The following FARS2 variants were observed in gnomAD, a reference collection of about 807,000 sequenced individuals.
FARS2 encodes phenylalanyl-tRNA synthetase 2, mitochondrial, also known as phenylalanine--tRNA ligase, mitochondrial.
Under a neutral mutation model 46.4 loss-of-function variants are expected in FARS2, and 40 were observed. The ratio of observed to expected loss-of-function variants is 0.86; its 90% CI spans 0.67 to 1.12. FARS2 has a LOEUF of 1.12. Among genes scored for constraint, FARS2 ranks in the 50% most tolerant of loss-of-function variants. The pLI, the probability that FARS2 is intolerant of heterozygous loss-of-function variation, is 0.00. For missense variants in FARS2, 513 were observed against 567.9 expected, an observed-to-expected ratio of 0.90 and a Z score of 0.98; for synonymous variants, 234 against 214.9, an observed-to-expected ratio of 1.09 and a Z score of -0.78.
intron 5 of FARS2, among the ~76,000 whole-genome samples, chr6:5,566,855 A>G (rs1772352017): frequency 6.6e-6 from 1 of 152,228 alleles, no homozygotes; most frequent in South Asian, 2.1e-4. Flanking sequence ...ACAAGCCTTA[A>G]TTAGGTTATG....
intron 6 of FARS2, among the ~76,000 whole-genome samples, chr6:5,717,901 G>A (rs1301238140): frequency 1.6e-5 from 1 of 62,936 alleles, no homozygotes; most frequent in African/African-American, 5.7e-5. Flanking sequence ...AAATGAGAAG[G>A]TATCAGCTAT....
intron 5 of FARS2, among the ~76,000 whole-genome samples, chr6:5,597,625 C>A (rs1354942127): frequency 6.6e-6 from 1 of 152,220 alleles, no homozygotes; most frequent in Non-Finnish European, 1.5e-5. Context: ...CCGCTGTGAA[C>A]TTTGGCGTAG....
At chr6:5,444,672 C>T (rs1421872391) in intron 4 of FARS2, among the ~76,000 whole-genome samples, 1 of 152,096 alleles carries the variant, frequency 6.6e-6, no homozygotes, top group East Asian at 1.9e-4. Flanking sequence ...ATAGAAGACA[C>T]TCAATATCCA....
intron 1 of FARS2, among the ~76,000 whole-genome samples, chr6:5,301,355 G>A (rs1768285865): frequency 1.3e-5 from 2 of 152,134 alleles, no homozygotes; most frequent in Non-Finnish European, 2.9e-5. Flanking sequence ...GGAGCCTGAG[G>A]CAGGAGGATC....
intron 3 of FARS2, among the ~76,000 whole-genome samples, chr6:5,410,295 A>G (rs377236364): frequency 4.6e-5 from 7 of 151,954 alleles, no homozygotes; most frequent in South Asian, 2.1e-4. Context: ...CTGGGATTAC[A>G]GGCGTGCGCC....
At chr6:5,640,067 T>G (rs1311269546) in intron 6 of FARS2, among the ~76,000 whole-genome samples, 1 of 152,196 alleles carries the variant, frequency 6.6e-6, no homozygotes, top group East Asian at 1.9e-4. Context: ...CCCAAGATAA[T>G]GTTTAACTTT....
At chr6:5,696,507 T>G (rs1758112641) in intron 6 of FARS2, among the ~76,000 whole-genome samples, 1 of 152,128 alleles carries the variant, frequency 6.6e-6, no homozygotes, top group Non-Finnish European at 1.5e-5. Flanking sequence ...ACAATAGGTA[T>G]GGCCCCTCAA....
intron 6 of FARS2, among the ~76,000 whole-genome samples, chr6:5,648,621 T>C (rs919880446): frequency 1.3e-5 from 2 of 152,194 alleles, no homozygotes; most frequent in African/African-American, 4.8e-5. Flanking sequence ...CTTCTGATGC[T>C]TTCTTTTTTT....
At chr6:5,616,028 A>C (rs1199947029) in intron 6 of FARS2, among the ~76,000 whole-genome samples, 3 of 151,090 alleles carry the variant, frequency 2.0e-5, no homozygotes, top group Non-Finnish European at 4.4e-5. Flanking sequence ...AAAAAAAAAA[A>C]AAAAAAACAA....
At chr6:5,549,134 C>T (rs114388575) in intron 5 of FARS2, among the ~76,000 whole-genome samples, 5,417 of 150,762 alleles carry the variant, frequency 0.036, 147 homozygotes, top group Middle Eastern at 0.06. Flanking sequence ...AGGGCTGACT[C>T]CTTCTGTAGG....
At chr6:5,429,423 C>G (rs2503833) in intron 3 of FARS2, among the ~76,000 whole-genome samples, 7,404 of 152,142 alleles carry the variant, frequency 0.049, 612 homozygotes, top group African/African-American at 0.17. Flanking sequence ...GGAAAGCCTC[C>G]CTGTGTTTGA....
chr6:5,765,912 A>G lies in FARS2; in HGVS notation c.1218-5379A>G, dbSNP rs905984357. 5.3e-5 allele frequency among the ~76,000 whole-genome samples: 8 copies of G among 152,200 alleles called. No homozygotes were observed. Among genetic ancestry groups the G allele is most frequent in the East Asian group, 1.9e-4 (1 of 5,194 alleles). On this transcript the variant is annotated intron_variant, in intron 6 of 6. Transcript: ENST00000274680. The surrounding 1 kb of genome is among the most constrained non-coding windows in gnomAD (Gnocchi z 4.0). ...GGAATCTATGAATAAACTGGTGACA[A>G]TGGAAGCCCCAGAGGTTCAAACATT...
At chr6:5,421,106 T>G (rs1486012884) in intron 3 of FARS2, among the ~76,000 whole-genome samples, 1 of 152,194 alleles carries the variant, frequency 6.6e-6, no homozygotes, top group Non-Finnish European at 1.5e-5. Flanking sequence ...GGCATTTCCA[T>G]GCATCTTGTG....
chr6:5,267,558 G>A (rs1765634133), intron 1 of FARS2, among the ~76,000 whole-genome samples: 1 of 151,890 alleles, frequency 6.6e-6, no homozygotes, highest in African/African-American at 2.4e-5. Flanking sequence ...AGACCATCCT[G>A]GCTAACACAG....
chr6:5,288,434 A>G (rs1377376786), intron 1 of FARS2, among the ~76,000 whole-genome samples: 1 of 152,118 alleles, frequency 6.6e-6, no homozygotes, highest in Non-Finnish European at 1.5e-5. Flanking sequence ...TGGGATCATC[A>G]CTTCTTTCTG....
intron 4 of FARS2, among the ~76,000 whole-genome samples, chr6:5,495,511 A>C (rs1767406160): frequency 6.6e-6 from 1 of 152,220 alleles, no homozygotes; most frequent in African/African-American, 2.4e-5. Flanking sequence ...GTCTAGTCTA[A>C]TAGAAACATG....
chr6:5,415,838 T>C (rs1762207724), intron 3 of FARS2, among the ~76,000 whole-genome samples: 1 of 152,108 alleles, frequency 6.6e-6, no homozygotes, highest in African/African-American at 2.4e-5. Context: ...TCCCAAGTAA[T>C]GGGGATTACA....
At chr6:5,536,840 G>A (rs1770235850) in intron 4 of FARS2, among the ~76,000 whole-genome samples, 1 of 152,192 alleles carries the variant, frequency 6.6e-6, no homozygotes, top group South Asian at 2.1e-4. Context: ...GGCACAAGAA[G>A]TTACATCTGG....
intron 2 of FARS2, among the ~76,000 whole-genome samples, chr6:5,392,390 A>AT (rs1760576415): frequency 6.6e-6 from 1 of 152,048 alleles, no homozygotes; most frequent in South Asian, 2.1e-4. Flanking sequence ...TTACAGTTAT[A>AT]TTTTGGTCAT....
Sources: gnomAD v4.1 joint callset for allele counts (sites outside exome capture counted in the v4.1 genomes callset) on GRCh38, gnomAD v4.1.1 for gene constraint, Gnocchi (gnomAD v3.1) non-coding constraint, MANE v1.5 for transcripts, NCBI Gene and HGNC (gene_info 2026-07-23, HGNC 2026-07-21) for gene names.